Variants in EXOC6B observed in about 807,000 individuals in gnomAD.
The protein encoded by EXOC6B is SEC15 homolog B.
EXOC6B carries 54 observed loss-of-function variants against 113.5 expected under a neutral mutation model. The ratio of observed to expected loss-of-function variants is 0.48; its 90% CI spans 0.38 to 0.60. The LOEUF is 0.60. Among genes scored for constraint, EXOC6B ranks in the 20% least tolerant of loss-of-function variants. EXOC6B has a pLI of 0.00. For synonymous variants in EXOC6B, 357 were observed against 339.0 expected (o/e 1.05, Z -0.58); for missense variants, 797 against 977.5 (o/e 0.82, Z 2.46).
chr2:72,185,863 T>G (rs1414240095), intron 20 of EXOC6B, among the ~76,000 whole-genome samples: 1 of 152,026 alleles, frequency 6.6e-6, no homozygotes, highest in Non-Finnish European at 1.5e-5. Flanking sequence ...ATTTACATTA[T>G]GTATATCTCC....
At chr2:72,308,309 A>G (rs1446544967) in intron 20 of EXOC6B, among the ~76,000 whole-genome samples, 11 of 152,168 alleles carry the variant, frequency 7.2e-5, no homozygotes, top group Non-Finnish European at 1.0e-4. Flanking sequence ...TCAGCTCTGG[A>G]GTCATAAATT....
chr2:72,200,611 T>G lies in EXOC6B; in HGVS notation c.2197-16424A>C, dbSNP rs1679433498. Among the ~76,000 whole-genome samples, 3 of 152,332 alleles carry G rather than the reference T, an allele frequency of 2.0e-5. No individual in the cohort carries two copies. The South Asian group carries it at 6.2e-4, about 32-fold the overall frequency. On this transcript the variant is annotated intron_variant, in intron 20 of 21. Transcript: ENST00000272427. ...AGAGAACTGTACTATTATTTCATCT[T>G]GCACAGGAGGAAACTGAGGTCTGGA...
intron 6 of EXOC6B, among the ~76,000 whole-genome samples, chr2:72,688,876 A>T (rs1263585575): frequency 1.3e-5 from 2 of 152,348 alleles, no homozygotes; most frequent in Middle Eastern, 3.4e-3. Context: ...TTACCAAATT[A>T]TCTATGCACA....
intron 8 of EXOC6B, among the ~76,000 whole-genome samples, chr2:72,552,728 A>G (rs566467530): frequency 1.3e-5 from 2 of 152,006 alleles, no homozygotes; most frequent in African/African-American, 4.8e-5. Context: ...GGATATTAAT[A>G]TCAAAAAAAA....
chr2:72,811,461 G>T (rs1029703828), intron 1 of EXOC6B, among the ~76,000 whole-genome samples: 13 of 152,288 alleles, frequency 8.5e-5, no homozygotes, highest in South Asian at 2.1e-4. Context: ...AGCCTAGAAG[G>T]CTTCATTGAA....
intron 20 of EXOC6B, among the ~76,000 whole-genome samples, chr2:72,286,906 C>T (rs1043800575): frequency 3.9e-5 from 6 of 152,018 alleles, no homozygotes; most frequent in African/African-American, 1.2e-4. Context: ...GAAATTAAAA[C>T]GGAAATTAGA....
intron 8 of EXOC6B, 50 bp downstream of exon 8, chr2:72,559,403 T>C: frequency 7.4e-7 from 1 of 1,349,056 alleles, no homozygotes. Context: ...GAGAGCAAAG[T>C]TTTGAACTCA....
intron 8 of EXOC6B, among the ~76,000 whole-genome samples, chr2:72,536,363 A>T (rs189123660): frequency 1.2e-4 from 19 of 152,310 alleles, no homozygotes; most frequent in African/African-American, 4.6e-4. Flanking sequence ...TGATCCCCCC[A>T]GCATCATATT....
At chr2:72,640,644 A>G (rs1673159913) in intron 6 of EXOC6B, among the ~76,000 whole-genome samples, 1 of 152,238 alleles carries the variant, frequency 6.6e-6, no homozygotes, top group Non-Finnish European at 1.5e-5. Flanking sequence ...AGCCTATCAG[A>G]CTAACAGCAC....
At position 72,759,705 on chromosome 2, in the gene EXOC6B, G is replaced by A. The variant is rs1008078181; in HGVS notation, c.114-18236C>T. On this transcript the variant is annotated intron_variant, in intron 1 of 21. Transcript: ENST00000272427. ...CCCTGGCATGCACCAACATTTAAAC[G>A]GAGATTTGCTGGTTTCCAATTTTAA... is the stretch of plus-strand genomic sequence containing the variant. 4.6e-5 allele frequency among the ~76,000 whole-genome samples: 7 copies of A among 152,100 alleles called. No homozygotes were observed. In the East Asian group the frequency reaches 7.7e-4, roughly 17 times the overall value.
intron 18 of EXOC6B, among the ~76,000 whole-genome samples, chr2:72,433,727 G>C (rs1442084348): frequency 6.6e-6 from 1 of 152,160 alleles, no homozygotes; most frequent in African/African-American, 2.4e-5. Flanking sequence ...TGGTGTATAG[G>C]AATGCTTGTG....
intron 6 of EXOC6B, among the ~76,000 whole-genome samples, chr2:72,706,265 G>C (rs538343579): frequency 1.1e-4 from 17 of 152,230 alleles, no homozygotes; most frequent in African/African-American, 4.1e-4. Flanking sequence ...TACTTTCCCA[G>C]AGTCATTCAC....
chr2:72,622,984 G>A (rs1156564670), intron 6 of EXOC6B, among the ~76,000 whole-genome samples: 1 of 152,070 alleles, frequency 6.6e-6, no homozygotes, highest in Non-Finnish European at 1.5e-5. Flanking sequence ...CAAGATAAAG[G>A]TTATAGGGAC....
At chr2:72,788,121 T>C (rs1019262013) in intron 1 of EXOC6B, among the ~76,000 whole-genome samples, 2 of 152,218 alleles carry the variant, frequency 1.3e-5, no homozygotes, top group Non-Finnish European at 2.9e-5. Flanking sequence ...TAGGTTCAAA[T>C]CCCAGTTCCT....
chr2:72,771,426 C>A (rs181136420), intron 1 of EXOC6B, among the ~76,000 whole-genome samples: 134 of 152,184 alleles, frequency 8.8e-4, no homozygotes, highest in Non-Finnish European at 1.5e-3. Context: ...ATAGTCTGTA[C>A]CTCCTCTCTC....
intron 20 of EXOC6B, among the ~76,000 whole-genome samples, chr2:72,317,527 A>T (rs1009099737): frequency 6.6e-6 from 1 of 151,184 alleles, no homozygotes; most frequent in African/African-American, 2.4e-5. Flanking sequence ...CACCATATGG[A>T]TTTAGAACAC....
intron 6 of EXOC6B, among the ~76,000 whole-genome samples, chr2:72,588,922 T>C (rs2103917065): frequency 6.6e-6 from 1 of 152,100 alleles, no homozygotes; most frequent in South Asian, 2.1e-4. Context: ...ATTACCTTTT[T>C]CCTTTACATA....
chr2:72,409,250 C>T (rs1017842290), intron 18 of EXOC6B, among the ~76,000 whole-genome samples: 1 of 152,196 alleles, frequency 6.6e-6, no homozygotes, highest in Non-Finnish European at 1.5e-5. Context: ...GATACAGGAA[C>T]ACTTTTACAC....
intron 1 of EXOC6B, among the ~76,000 whole-genome samples, chr2:72,768,475 T>TC (rs1683230225): frequency 6.6e-6 from 1 of 151,638 alleles, no homozygotes; most frequent in Non-Finnish European, 1.5e-5. Flanking sequence ...ATTTTCTTTC[T>TC]CCCCGGCTAA....
Sources: allele counts gnomAD v4.1 joint callset (sites outside exome capture counted in the v4.1 genomes callset), GRCh38; gene constraint gnomAD v4.1.1; transcripts MANE v1.5; gene names NCBI Gene and HGNC (gene_info 2026-07-23, HGNC 2026-07-21).